The following ARMC2 variants were observed in gnomAD, a reference collection of about 807,000 sequenced individuals.
The protein encoded by ARMC2 is armadillo repeat-containing protein 2.
In ARMC2, 67 loss-of-function variants were observed where a neutral mutation model predicts 90.3. The ratio of observed to expected loss-of-function variants is 0.74; its 90% CI spans 0.61 to 0.91. The LOEUF (loss-of-function observed/expected upper bound fraction) is 0.91. Ranked by LOEUF, ARMC2 falls within the 40% of genes least tolerant of loss-of-function variation. The pLI is 0.00. For missense variants in ARMC2, 920 were observed against 1,030.9 expected (o/e 0.89, Z 1.47); for synonymous variants, 393 against 393.0 (o/e 1.00, Z 0.00).
chr6:108,982,967 G>T, the ARMC2 span, among the ~76,000 whole-genome samples: 1 of 151,722 alleles, frequency 6.6e-6, no homozygotes. Flanking sequence ...GTGGGTTACC[G>T]GTGCACACCA....
intron 6 of ARMC2, among the ~76,000 whole-genome samples, chr6:108,898,461 T>G (rs1484291386): frequency 6.6e-6 from 1 of 152,164 alleles, no homozygotes. Flanking sequence ...ATAAAGGACT[T>G]AAGGGGTGGT....
At position 108,890,218 on chromosome 6, in the gene ARMC2, A is replaced by AACAAAC. The variant is rs1554243249; in HGVS notation, c.672-4248_672-4247insCAAACA. On this transcript the variant is annotated intron_variant, in intron 5 of 17. Coordinates refer to ENST00000392644, the MANE Select transcript of ARMC2 (RefSeq NM_032131.6). ...AAAAAAAAAAAAAAAAAAAAAAAAAAAAAAAAAAAAACAGTGGTTTCTTAG... is the reference window on the plus strand; with the variant it reads ...AAAAAAAAAAAAAAAAAAAAAAAAAAACAAACAAAAAAAAAAACAGTGGTTTCTTAG... 4.3e-5 allele frequency among the ~76,000 whole-genome samples: 5 copies of AACAAAC among 116,592 alleles called. 1 individual carries two copies. The East Asian group carries it at 9.2e-4, about 21-fold the overall frequency. The allele number at this position is 116,592 out of a possible 152,430, so 76.5% of individuals were successfully genotyped here.
intron 5 of ARMC2, among the ~76,000 whole-genome samples, chr6:108,882,251 A>G (rs1777659795): frequency 6.6e-6 from 1 of 152,120 alleles, no homozygotes; most frequent in Non-Finnish European, 1.5e-5. Flanking sequence ...CCTGGCTAAC[A>G]TGGTGAAACC....
chr6:108,921,073 T>C (rs1416615782), intron 10 of ARMC2, among the ~76,000 whole-genome samples: 1 of 152,220 alleles, frequency 6.6e-6, no homozygotes, highest in Non-Finnish European at 1.5e-5. Flanking sequence ...GAAATGTCAC[T>C]AGCTTTAGCA....
intron 16 of ARMC2, 83 bp downstream of exon 16, chr6:108,964,395 C>G: frequency 6.8e-7 from 1 of 1,464,682 alleles, no homozygotes; most frequent in Non-Finnish European, 9.3e-7. Context: ...TTTCATCATT[C>G]CTGTGGGGCA....
chr6:108,958,178 C>T (rs11153139), intron 13 of ARMC2, among the ~76,000 whole-genome samples: 18,672 of 152,072 alleles, frequency 0.12, 1,202 homozygotes, highest in Middle Eastern at 0.22. Context: ...AGGGCCCTTA[C>T]AAGAAGAGAC....
intron 3 of ARMC2, among the ~76,000 whole-genome samples, chr6:108,862,698 GGAGA>G (rs954650228): frequency 3.7e-4 from 56 of 152,098 alleles, no homozygotes; most frequent in Non-Finnish European, 7.6e-4. Context: ...GGAGAGAGAG[GGAGA>G]GAGAGTGGCA....
At chr6:109,009,437 G>A in the ARMC2 span, 46 of 1,371,406 alleles carry the variant, frequency 3.4e-5, no homozygotes, top group East Asian at 1.3e-3. Context: ...TGTACGCCTC[G>A]TTCGCGGCGG....
At chr6:108,983,820 G>A in the ARMC2 span, among the ~76,000 whole-genome samples, 2 of 152,218 alleles carry the variant, frequency 1.3e-5, no homozygotes, top group Non-Finnish European at 2.9e-5. Context: ...GAATCTACAG[G>A]TCACTCTGGG....
the ARMC2 span, among the ~76,000 whole-genome samples, chr6:109,012,815 G>A: frequency 4.6e-5 from 7 of 151,954 alleles, no homozygotes; most frequent in African/African-American, 1.4e-4. Context: ...AAGGAGTTTA[G>A]GTAAAAGATA....
intron 4 of ARMC2, among the ~76,000 whole-genome samples, chr6:108,871,045 C>A (rs2768540): frequency 0.77 from 116,737 of 152,046 alleles, 45,296 homozygotes; most frequent in South Asian, 0.85. Flanking sequence ...TAGGAAGGTG[C>A]CTCATGAGAA....
At chr6:108,976,421 T>C (rs1032866153), downstream of ARMC2, among the ~76,000 whole-genome samples, 20 of 152,180 alleles carry the variant, frequency 1.3e-4, no homozygotes, top group African/African-American at 3.4e-4. Context: ...TGTAGTATAG[T>C]TTGAAGTCAG....
At chr6:108,982,032 C>T in the ARMC2 span, among the ~76,000 whole-genome samples, 10 of 152,180 alleles carry the variant, frequency 6.6e-5, no homozygotes, top group South Asian at 8.3e-4. Flanking sequence ...TTTGTTTATC[C>T]ATTCATCTGT....
intron 8 of ARMC2, among the ~76,000 whole-genome samples, chr6:108,906,107 A>G (rs1353067767): frequency 6.6e-6 from 1 of 152,238 alleles, no homozygotes; most frequent in Non-Finnish European, 1.5e-5. Context: ...AATACTGGCA[A>G]ATGAAAGTTT....
chr6:108,853,197 T>C (rs866538282), intron 1 of ARMC2, among the ~76,000 whole-genome samples: 6 of 152,222 alleles, frequency 3.9e-5, no homozygotes, highest in African/African-American at 1.4e-4. Context: ...TTTATAGTTT[T>C]CATCAGAAAC....
At chr6:108,872,223 GA>G (rs1337973235) in intron 4 of ARMC2, among the ~76,000 whole-genome samples, 2 of 152,216 alleles carry the variant, frequency 1.3e-5, no homozygotes, top group African/African-American at 4.8e-5. Context: ...TCAAGACAGT[GA>G]AAGAGGAAGA....
At chr6:108,888,122 A>T (rs533727972) in intron 5 of ARMC2, among the ~76,000 whole-genome samples, 42 of 152,260 alleles carry the variant, frequency 2.8e-4, no homozygotes, top group African/African-American at 1.0e-3. Flanking sequence ...TTTAAAAGGG[A>T]TCCAGACAAG....
At chr6:108,874,073 A>G (rs1776697355) in intron 4 of ARMC2, among the ~76,000 whole-genome samples, 1 of 152,222 alleles carries the variant, frequency 6.6e-6, no homozygotes, top group South Asian at 2.1e-4. Flanking sequence ...AAGTTTACCC[A>G]CGATCCATTA....
the ARMC2 span, among the ~76,000 whole-genome samples, chr6:109,001,117 T>C: frequency 6.6e-6 from 1 of 152,198 alleles, no homozygotes; most frequent in Non-Finnish European, 1.5e-5. Context: ...TCTTTTTCTG[T>C]TATACTTGAG....
Sources: allele counts gnomAD v4.1 joint callset (sites outside exome capture counted in the v4.1 genomes callset), GRCh38; gene constraint gnomAD v4.1.1; transcripts MANE v1.5; gene names NCBI Gene and HGNC (gene_info 2026-07-23, HGNC 2026-07-21).